MTUS2: variants seen among roughly 807,000 people sequenced by gnomAD.
MTUS2 encodes microtubule-associated tumor suppressor candidate 2.
A neutral mutation model predicts 114.1 loss-of-function variants in MTUS2; 40 were observed. That is an observed-to-expected ratio of 0.35 (90% CI 0.27 to 0.46). The LOEUF is 0.46. Ranked by LOEUF, MTUS2 falls within the 20% of genes least tolerant of loss-of-function variation. MTUS2 has a pLI of 1.00. For missense variants in MTUS2, 1,679 were observed against 1,705.4 expected (o/e 0.98, Z 0.27); for synonymous variants, 688 against 672.0 (o/e 1.02, Z -0.37).
At chr13:29,107,056 C>T (rs1890699689) in intron 5 of MTUS2, among the ~76,000 whole-genome samples, 1 of 152,142 alleles carries the variant, frequency 6.6e-6, no homozygotes, top group South Asian at 2.1e-4. Context: ...CCTCCCCCGG[C>T]CTTCTATCCC....
intron 5 of MTUS2, among the ~76,000 whole-genome samples, chr13:29,164,831 A>T (rs750628871): frequency 4.6e-5 from 7 of 152,368 alleles, no homozygotes; most frequent in South Asian, 4.1e-4. Context: ...TTAAAATCAG[A>T]TGCTCTACTA....
intron 5 of MTUS2, among the ~76,000 whole-genome samples, chr13:29,208,844 G>T (rs561788672): frequency 6.6e-6 from 1 of 152,100 alleles, no homozygotes; most frequent in Non-Finnish European, 1.5e-5. Context: ...TTCTTTTGTG[G>T]CCTGTCATGT....
rs1879121780 is a variant in MTUS2, at chr13:28,894,305, G to GT, written c.-243+54455_-243+54456insT. On this transcript the variant is annotated intron_variant, in intron 2 of 15. Transcript: ENST00000612955. Reference sequence around the variant, plus strand: ...GGGGGGGGGGGAGAGAGAGAGAGAGGGGGGGGGGGAGGGAGGGAGGGAGGG... The same window carrying GT: ...GGGGGGGGGGGAGAGAGAGAGAGAGGTGGGGGGGGGAGGGAGGGAGGGAGGG... 5.7e-4 allele frequency among the ~76,000 whole-genome samples: 3 copies of GT among 5,282 alleles called. No homozygotes were observed. The East Asian group carries it at 0.012, about 21-fold the overall frequency. 3.5% of individuals were successfully genotyped at this position (5,282 alleles called of 152,430 possible).
chr13:29,034,258 C>G (rs1886963374), intron 4 of MTUS2, 133 bp downstream of exon 4: 1 of 1,187,836 alleles, frequency 8.4e-7, no homozygotes, highest in African/African-American at 1.5e-5. Flanking sequence ...TTCCATATGT[C>G]TGTAGATGCA....
intron 5 of MTUS2, among the ~76,000 whole-genome samples, chr13:29,171,721 A>G (rs903788556): frequency 1.3e-5 from 2 of 152,134 alleles, no homozygotes; most frequent in Admixed American, 6.5e-5. Context: ...TTTATATGGC[A>G]TGGTGTTAGG....
chr13:29,245,728 G>A (rs911635775), intron 5 of MTUS2, among the ~76,000 whole-genome samples: 30 of 130,556 alleles, frequency 2.3e-4, no homozygotes, highest in Middle Eastern at 6.5e-3. Context: ...ACGGAGTCTC[G>A]CTCTGTCACC....
intron 5 of MTUS2, among the ~76,000 whole-genome samples, chr13:29,139,191 T>C (rs1329337450): frequency 6.6e-6 from 1 of 152,230 alleles, no homozygotes; most frequent in African/African-American, 2.4e-5. Context: ...TGAGAGGTTC[T>C]TTTATTATAC....
At chr13:29,029,902 C>T (rs191445686) in intron 3 of MTUS2, among the ~76,000 whole-genome samples, 18 of 152,320 alleles carry the variant, frequency 1.2e-4, no homozygotes, top group Admixed American at 5.9e-4. Flanking sequence ...GGCCCACACA[C>T]CTCCCACTAG....
chr13:29,497,705 A>T, intron 13 of MTUS2: 1 of 244,570 alleles, frequency 4.1e-6, no homozygotes, highest in South Asian at 7.5e-5. Flanking sequence ...TGGCTGCAGC[A>T]TGCGTTCAGT....
chr13:29,335,131 A>C (rs1192145127), intron 7 of MTUS2, among the ~76,000 whole-genome samples: 2 of 152,248 alleles, frequency 1.3e-5, no homozygotes, highest in African/African-American at 4.8e-5. Context: ...AATAGGAGAA[A>C]TATCGCTGAA....
chr13:29,439,379 C>G (rs963745008), intron 8 of MTUS2, among the ~76,000 whole-genome samples: 3 of 152,164 alleles, frequency 2.0e-5, no homozygotes, highest in Non-Finnish European at 4.4e-5. Flanking sequence ...AATGGTATTT[C>G]AAGCCTGAGA....
At chr13:29,062,544 C>T (rs1235999048) in intron 4 of MTUS2, among the ~76,000 whole-genome samples, 1 of 152,140 alleles carries the variant, frequency 6.6e-6, no homozygotes, top group Non-Finnish European at 1.5e-5. Context: ...TTTCCAACCT[C>T]AAGTGATTTT....
intron 2 of MTUS2, among the ~76,000 whole-genome samples, chr13:28,968,150 T>G (rs1272949090): frequency 6.6e-6 from 1 of 152,196 alleles, no homozygotes; most frequent in African/African-American, 2.4e-5. Context: ...TTTTTTGAGG[T>G]ATCATTGTGT....
intron 4 of MTUS2, among the ~76,000 whole-genome samples, chr13:29,036,848 T>C (rs1306151168): frequency 6.8e-6 from 1 of 147,242 alleles, no homozygotes; most frequent in Admixed American, 6.8e-5. Flanking sequence ...TTTTTTTTGG[T>C]TTCCATTTGC....
chr13:29,187,095 T>C (rs936671357), intron 5 of MTUS2, among the ~76,000 whole-genome samples: 5 of 152,022 alleles, frequency 3.3e-5, no homozygotes, highest in African/African-American at 4.8e-5. Flanking sequence ...CTAAAACTTA[T>C]GTGATACAGC....
chr13:28,853,767 C>T (rs1301457372), intron 2 of MTUS2, among the ~76,000 whole-genome samples: 1 of 151,304 alleles, frequency 6.6e-6, no homozygotes, highest in Non-Finnish European at 1.5e-5. Flanking sequence ...CCTTCTGCTA[C>T]TGTTTGTGTG....
intron 6 of MTUS2, among the ~76,000 whole-genome samples, chr13:29,321,895 C>G (rs1303758418): frequency 3.3e-5 from 5 of 152,128 alleles, no homozygotes; most frequent in African/African-American, 1.2e-4. Context: ...GCATGCTGTT[C>G]AACTAGCTTT....
In MTUS2 at chr13:29,224,318, C is replaced by A. The variant is rs147372241; in HGVS notation, c.2645-57386C>A. Among the ~76,000 whole-genome samples, 10 of 152,240 alleles carry A rather than the reference C, an allele frequency of 6.6e-5. No homozygotes were observed. The East Asian group carries it at 1.5e-3, about 24-fold the overall frequency. On this transcript the variant is annotated intron_variant, in intron 5 of 15. Transcript: ENST00000612955. ...CTTCATGTCTTCTGTAAGATGTAGT[C>A]CTGAGTGCTTTACATTTTTCCAGCT...
chr13:29,317,632 G>A (rs1174522029), intron 6 of MTUS2, among the ~76,000 whole-genome samples: 1 of 16,296 alleles, frequency 6.1e-5, no homozygotes, highest in African/African-American at 1.2e-4. Context: ...TAGAGACGGG[G>A]TTTCACCTTG....
Sources: gnomAD v4.1 joint callset for allele counts (sites outside exome capture counted in the v4.1 genomes callset) on GRCh38, gnomAD v4.1.1 for gene constraint, MANE v1.5 for transcripts, NCBI Gene and HGNC (gene_info 2026-07-23, HGNC 2026-07-21) for gene names.